The following CDC14A variants were observed in gnomAD, a reference collection of about 807,000 sequenced individuals.
CDC14A encodes dual specificity protein phosphatase CDC14A.
CDC14A carries 53 observed loss-of-function variants against 74.4 expected under a neutral mutation model. The observed-to-expected ratio is 0.71, with a 90% CI of 0.57 to 0.89. The LOEUF (loss-of-function observed/expected upper bound fraction) is 0.89. Among genes scored for constraint, CDC14A ranks in the 40% least tolerant of loss-of-function variants. The pLI is 0.00. For missense variants in CDC14A, 646 were observed against 713.7 expected, an observed-to-expected ratio of 0.91 and a Z score of 1.08; for synonymous variants, 247 against 258.4, an observed-to-expected ratio of 0.96 and a Z score of 0.43.
At chr1:100,382,413 G>GTTTTTTTTTT (rs1557699718) in intron 3 of CDC14A, among the ~76,000 whole-genome samples, 9 of 119,436 alleles carry the variant, frequency 7.5e-5, no homozygotes, top group Non-Finnish European at 1.0e-4. Flanking sequence ...TTTTTTTTTA[G>GTTTTTTTTTT]TTTTTGTAGA....
At chr1:100,483,295 G>C (rs1669681564) in intron 10 of CDC14A, among the ~76,000 whole-genome samples, 1 of 152,152 alleles carries the variant, frequency 6.6e-6, no homozygotes, top group African/African-American at 2.4e-5. Context: ...TTACTGGTGT[G>C]TGGTGGTATC....
At chr1:100,472,344 T>C (rs550706836) in intron 10 of CDC14A, among the ~76,000 whole-genome samples, 133 of 152,304 alleles carry the variant, frequency 8.7e-4, no homozygotes, top group African/African-American at 3.1e-3. Context: ...TAGATATGCC[T>C]GTTTATGTTC....
At chr1:100,400,846 TA>T (rs982836694) in intron 4 of CDC14A, among the ~76,000 whole-genome samples, 1 of 152,204 alleles carries the variant, frequency 6.6e-6, no homozygotes, top group Non-Finnish European at 1.5e-5. Flanking sequence ...TTTATCAAGT[TA>T]AGGTGCATCA....
chr1:100,481,031 C>T (rs1031083393), intron 10 of CDC14A: 5 of 152,268 alleles, frequency 3.3e-5, no homozygotes, highest in East Asian at 3.8e-4. Flanking sequence ...GTTGCCTTCC[C>T]GCCCCCTGCA....
chr1:100,352,187 T>A (rs1651128834), upstream of CDC14A, among the ~76,000 whole-genome samples: 1 of 152,148 alleles, frequency 6.6e-6, no homozygotes. Context: ...CGATGTCCAC[T>A]CTCAACCCCG....
intron 4 of CDC14A, among the ~76,000 whole-genome samples, chr1:100,419,022 G>C (rs1198088474): frequency 1.3e-5 from 2 of 151,868 alleles, no homozygotes; most frequent in African/African-American, 4.8e-5. Flanking sequence ...CTGTCTCTAC[G>C]AAAAATACAA....
At chr1:100,393,683 C>T (rs1005523667) in intron 4 of CDC14A, 12 of 452,876 alleles carry the variant, frequency 2.6e-5, no homozygotes, top group African/African-American at 1.4e-4. Flanking sequence ...ATCAATCAAG[C>T]GGTGGCACAC....
chr1:100,402,383 G>C (rs921818512), intron 4 of CDC14A, among the ~76,000 whole-genome samples: 4 of 152,134 alleles, frequency 2.6e-5, no homozygotes, highest in Admixed American at 2.0e-4. Context: ...CAATCAATGA[G>C]ATGTTTACTA....
At chr1:100,501,034 T>C (rs1027559561) in intron 15 of CDC14A, among the ~76,000 whole-genome samples, 8 of 152,110 alleles carry the variant, frequency 5.3e-5, no homozygotes, top group African/African-American at 1.9e-4. Flanking sequence ...TAGTTTAGAT[T>C]CTTTTACAGA....
rs559868480 is a variant in CDC14A, at chr1:100,520,228, A to G, written c.*1948A>G. 2 of 152,688 alleles carry G rather than the reference A, an allele frequency of 1.3e-5. No individual in the cohort carries two copies. Among genetic ancestry groups the G allele is most frequent in the East Asian group, 3.9e-4 (2 of 5,186 alleles). 9.5% of individuals were successfully genotyped at this position (152,688 alleles called of 1,614,324 possible). ...CAAAAGATATTTTGCTCTATTTTAA[A>G]GTGTAGAAGAATACACTGCTAATAA... On this transcript the variant is annotated 3_prime_UTR_variant, in exon 16 of 16. Transcript: ENST00000336454.
intron 14 of CDC14A, 52 bp from the exon 15 acceptor site, chr1:100,498,877 G>A: frequency 6.4e-7 from 1 of 1,559,082 alleles, no homozygotes; most frequent in Non-Finnish European, 8.7e-7. Flanking sequence ...AGCTCTGTGT[G>A]ATTGTACATT....
intron 15 of CDC14A, among the ~76,000 whole-genome samples, chr1:100,512,877 C>A (rs1420434831): frequency 6.6e-6 from 1 of 152,122 alleles, no homozygotes; most frequent in Non-Finnish European, 1.5e-5. Flanking sequence ...AGCTACATTT[C>A]ATCTAGTGTT....
upstream of CDC14A, among the ~76,000 whole-genome samples, chr1:100,351,186 CCTGT>C (rs1368912204): frequency 6.6e-6 from 1 of 151,768 alleles, no homozygotes; most frequent in Non-Finnish European, 1.5e-5. Context: ...AGAGCGAGAC[CCTGT>C]CTAAAACAAA....
rs1483188754 is a variant in CDC14A, at chr1:100,491,723, C to T, written c.1138-3095C>T. On this transcript the variant is annotated intron_variant, in intron 11 of 15. Coordinates refer to ENST00000336454, the MANE Select transcript of CDC14A (RefSeq NM_003672.4). ...AGTAGCTGGGATTACAGGCACGCACCACCACATTCAGCTAATTTTTATATT... is the reference window on the plus strand; with the variant it reads ...AGTAGCTGGGATTACAGGCACGCACTACCACATTCAGCTAATTTTTATATT... Among the ~76,000 whole-genome samples, 5 of 150,454 alleles carry T rather than the reference C, an allele frequency of 3.3e-5. No homozygotes were observed. The East Asian group carries it at 9.7e-4, about 29-fold the overall frequency.
At chr1:100,347,743 TTAC>T (rs544826877), upstream of CDC14A, among the ~76,000 whole-genome samples, 252 of 152,358 alleles carry the variant, frequency 1.7e-3, no homozygotes, top group African/African-American at 5.6e-3. Flanking sequence ...GCACAGGTTT[TTAC>T]TACGTTTCAT....
intron 7 of CDC14A, among the ~76,000 whole-genome samples, chr1:100,446,432 T>A (rs1223839502): frequency 6.6e-6 from 1 of 152,204 alleles, no homozygotes; most frequent in African/African-American, 2.4e-5. Flanking sequence ...GATAAACCTC[T>A]GCCCATCCTG....
intron 3 of CDC14A, among the ~76,000 whole-genome samples, chr1:100,380,513 G>A (rs746232660): frequency 1.3e-5 from 2 of 152,040 alleles, no homozygotes; most frequent in African/African-American, 2.4e-5. Context: ...TCACTTCCAC[G>A]AACCCAGACT....
rs921616798 is a variant in CDC14A, at chr1:100,354,022, A to G, written c.140+170A>G. On this transcript the variant is annotated intron_variant, in intron 2 of 15. Transcript: ENST00000336454. ...GGGGAGAAGTTCAGAGAAAATTGAC[A>G]GAATTTGAACCTTTCAACACTTCAG... Among the ~76,000 whole-genome samples the G allele has an allele frequency of 1.4e-4, 22 of 152,194 alleles. 1 individual carries two copies. The highest frequency in any genetic ancestry group is 3.2e-4 in the Non-Finnish European group (22 of 68,030).
At chr1:100,491,563 TATATA>T (rs1670661514) in intron 11 of CDC14A, among the ~76,000 whole-genome samples, 8 of 86,176 alleles carry the variant, frequency 9.3e-5, no homozygotes, top group African/African-American at 4.1e-4. Flanking sequence ...TATATATATA[TATATA>T]TATATTTTTT....
Sources: allele counts gnomAD v4.1 joint callset (sites outside exome capture counted in the v4.1 genomes callset), GRCh38; gene constraint gnomAD v4.1.1; transcripts MANE v1.5; gene names NCBI Gene and HGNC (gene_info 2026-07-23, HGNC 2026-07-21).